Variants in TANC1 observed in about 807,000 individuals in gnomAD.
The protein encoded by TANC1 is protein TANC1.
In TANC1, 77 loss-of-function variants were observed where a neutral mutation model predicts 149.7. That is an observed-to-expected ratio of 0.51 (90% confidence interval 0.43 to 0.62). The LOEUF (loss-of-function observed/expected upper bound fraction) is 0.62, where lower values mean the gene tolerates loss of function less well. Among genes scored for constraint, TANC1 ranks in the 20% least tolerant of loss-of-function variants. The probability of loss-of-function intolerance (pLI) is 0.00; values close to 1 mark genes in which losing one functional copy is unlikely to be tolerated. For missense variants in TANC1, 1,985 were observed against 2,321.8 expected (o/e 0.85, Z 2.98); for synonymous variants, 854 against 925.0 (o/e 0.92, Z 1.39).
intron 3 of TANC1, among the ~76,000 whole-genome samples, chr2:159,081,654 T>C (rs1253297000): frequency 1.3e-5 from 2 of 152,224 alleles, no homozygotes; most frequent in East Asian, 3.8e-4. Context: ...TATGGGAGTA[T>C]AGTTGTCTGT....
intron 2 of TANC1, among the ~76,000 whole-genome samples, chr2:159,018,560 A>G (rs747307032): frequency 1.3e-5 from 2 of 152,162 alleles, no homozygotes; most frequent in Non-Finnish European, 2.9e-5. Flanking sequence ...GTACATTCAC[A>G]TTGTTGTGTA....
At chr2:159,119,192 G>A (rs113255541) in intron 4 of TANC1, among the ~76,000 whole-genome samples, 4 of 152,270 alleles carry the variant, frequency 2.6e-5, no homozygotes, top group Middle Eastern at 6.8e-3. Context: ...GTACACATGC[G>A]TAAGAGGTTT....
chr2:159,113,848 C>CA (rs1412639680), intron 4 of TANC1, among the ~76,000 whole-genome samples: 2 of 152,026 alleles, frequency 1.3e-5, no homozygotes, highest in African/African-American at 4.8e-5. Context: ...ATTTTTTGAA[C>CA]AAAAAAATCT....
chr2:159,006,475 C>T (rs1261843560), intron 2 of TANC1, among the ~76,000 whole-genome samples: 2 of 152,126 alleles, frequency 1.3e-5, no homozygotes, highest in African/African-American at 2.4e-5. Flanking sequence ...AAACATTTTT[C>T]ACTTTACAAT....
At chr2:159,187,991 G>C (rs1415038299) in intron 16 of TANC1, among the ~76,000 whole-genome samples, 1 of 152,118 alleles carries the variant, frequency 6.6e-6, no homozygotes, top group Middle Eastern at 3.2e-3. Flanking sequence ...AATGAGCATG[G>C]CCCTCCTGAG....
In TANC1 at chr2:159,179,163, G is replaced by C. The variant is rs745392165; in HGVS notation, c.2510G>C (p.Arg837Thr). Residue 837 changes from arginine to threonine, a missense_variant and splice_region_variant, in exon 14 of 27, where the codon AGG (arginine) becomes ACG (threonine). Physicochemically the swap from Arg to Thr is moderately conservative, Grantham distance 71. Around this residue, in one of 3 missense-constraint regions of TANC1, gnomAD observed 508 missense variants for 714.2 expected, o/e 0.71. Coordinates refer to ENST00000263635, the MANE Select transcript of TANC1 (RefSeq NM_033394.3). ...AACACGGCCTTCCTGTGTGAGCCCA[G>C]GTACGGCAGGCGCTTTCTTTCAGCT... is the stretch of plus-strand genomic sequence containing the variant. ...GENTAFLCEP[R>T]NGHALLAFMF... is the part of the protein sequence containing the mutation. 4.4e-6 allele frequency: 7 copies of C among 1,605,202 alleles called. No homozygotes were observed. The highest frequency in any genetic ancestry group is 1.7e-6 in the Non-Finnish European group (2 of 1,174,834).
chr2:158,976,503 G>T (rs1323720761), intron 1 of TANC1, among the ~76,000 whole-genome samples: 1 of 152,196 alleles, frequency 6.6e-6, no homozygotes, highest in Non-Finnish European at 1.5e-5. Context: ...TAATGATAAT[G>T]ATATAAGTAT....
At chr2:159,085,642 A>G (rs1490820878) in intron 3 of TANC1, among the ~76,000 whole-genome samples, 1 of 152,182 alleles carries the variant, frequency 6.6e-6, no homozygotes, top group African/African-American at 2.4e-5. Context: ...TTCCTGGTAG[A>G]AAGCCAAGGG....
At chr2:159,228,501 G>A in intron 25 of TANC1, 1 of 370,266 alleles carries the variant, frequency 2.7e-6, no homozygotes, top group Non-Finnish European at 4.9e-6. Context: ...CGGAATAGAT[G>A]CAGTGTCTGC....
At chr2:159,033,785 A>G (rs2039968491) in intron 2 of TANC1, among the ~76,000 whole-genome samples, 1 of 152,172 alleles carries the variant, frequency 6.6e-6, no homozygotes, top group Non-Finnish European at 1.5e-5. Flanking sequence ...TGAAAACATC[A>G]TGATGCTCAT....
intron 3 of TANC1, among the ~76,000 whole-genome samples, chr2:159,091,416 A>T (rs1208245322): frequency 6.6e-6 from 1 of 152,178 alleles, no homozygotes; most frequent in African/African-American, 2.4e-5. Context: ...AAGAGCATTT[A>T]TTTTAAATTG....
chr2:159,002,286 C>A (rs917609813), intron 2 of TANC1, among the ~76,000 whole-genome samples: 18 of 152,208 alleles, frequency 1.2e-4, no homozygotes, highest in Admixed American at 1.2e-3. Flanking sequence ...CCCGAGGGGA[C>A]CCAGGCTGCC....
At chr2:159,199,081 T>C (rs745963937) in intron 19 of TANC1, 28 bp downstream of exon 19, 1 of 1,563,150 alleles carries the variant, frequency 6.4e-7, no homozygotes, top group South Asian at 1.1e-5. Context: ...GCTTGTAGTC[T>C]GGGGCAGCTT....
At chr2:159,039,083 G>C (rs1053575316) in intron 2 of TANC1, among the ~76,000 whole-genome samples, 1 of 152,158 alleles carries the variant, frequency 6.6e-6, no homozygotes, top group African/African-American at 2.4e-5. Flanking sequence ...TCTTGGGAGA[G>C]TGTGTGCGTC....
At chr2:159,200,278 A>G (rs2058151758) in intron 19 of TANC1, among the ~76,000 whole-genome samples, 1 of 152,118 alleles carries the variant, frequency 6.6e-6, no homozygotes, top group Non-Finnish European at 1.5e-5. Flanking sequence ...CTCCTGGGGC[A>G]CTTGGGCTTA....
intron 19 of TANC1, among the ~76,000 whole-genome samples, chr2:159,202,348 T>C (rs17576648): frequency 6.6e-6 from 1 of 152,046 alleles, no homozygotes; most frequent in Non-Finnish European, 1.5e-5. Flanking sequence ...TCATAAAAAA[T>C]GGGAACAGTA....
At chr2:159,136,402 G>T in intron 5 of TANC1, 104 bp downstream of exon 5, 2 of 716,206 alleles carry the variant, frequency 2.8e-6, no homozygotes, top group Non-Finnish European at 2.5e-6. Flanking sequence ...GCTTTGCTGA[G>T]AATGTATTTG....
intron 2 of TANC1, among the ~76,000 whole-genome samples, chr2:159,063,608 G>A (rs751269715): frequency 6.6e-6 from 1 of 152,184 alleles, no homozygotes; most frequent in Non-Finnish European, 1.5e-5. Flanking sequence ...CCAGGTCGCA[G>A]TTTGAATAGC....
rs566118881 is a variant in TANC1 at position 159,084,306 on chromosome 2, C to G, written c.62-13331C>G. Among the ~76,000 whole-genome samples the G allele has an allele frequency of 2.2e-3, 328 of 152,122 alleles. 2 individuals are homozygous for G. The highest frequency in any genetic ancestry group is 7.3e-3 in the African/African-American group (304 of 41,510). ...TCTTCGTCACTCCTAGCTCCCCCCC[C>G]AATACAGGCCTGGGAAAGACCTTGT... On this transcript the variant is annotated intron_variant, in intron 3 of 26. Transcript: ENST00000263635.
Sources: allele counts gnomAD v4.1 joint callset (sites outside exome capture counted in the v4.1 genomes callset), GRCh38; gene constraint gnomAD v4.1.1; regional missense constraint gnomAD v4.1.1; transcripts MANE v1.5; gene names NCBI Gene and HGNC (gene_info 2026-07-23, HGNC 2026-07-21).